Variants in KCNIP4 observed in about 807,000 individuals in gnomAD.
The protein encoded by KCNIP4 is Kv channel-interacting protein 4.
KCNIP4 carries 12 observed loss-of-function variants against 34.0 expected under a neutral mutation model. That is an observed-to-expected ratio of 0.35 (90% CI 0.23 to 0.57). KCNIP4 has a LOEUF of 0.57. Among genes scored for constraint, KCNIP4 ranks in the 20% least tolerant of loss-of-function variants. KCNIP4 has a pLI of 0.83. For missense variants in KCNIP4, 238 were observed against 311.7 expected (o/e 0.76, Z 1.78); for synonymous variants, 124 against 102.2 (o/e 1.21, Z -1.29).
At chr4:21,387,445 C>T (rs148243614) in intron 1 of KCNIP4, among the ~76,000 whole-genome samples, 7 of 152,314 alleles carry the variant, frequency 4.6e-5, no homozygotes, top group African/African-American at 1.4e-4. Context: ...CACTTGGTTA[C>T]TATTCTGAGA....
chr4:21,585,930 T>C (rs767800355), intron 1 of KCNIP4, among the ~76,000 whole-genome samples: 10 of 152,090 alleles, frequency 6.6e-5, no homozygotes, highest in Non-Finnish European at 1.3e-4. Context: ...TACTCATTGA[T>C]AAAATTAATA....
chr4:21,562,901 T>C (rs1739577021), intron 1 of KCNIP4, among the ~76,000 whole-genome samples: 2 of 151,984 alleles, frequency 1.3e-5, no homozygotes, highest in Admixed American at 1.3e-4. Flanking sequence ...CTCTCAACAC[T>C]CGCGTAAATA....
chr4:21,744,589 T>G (rs1716644855), intron 1 of KCNIP4, among the ~76,000 whole-genome samples: 1 of 152,170 alleles, frequency 6.6e-6, no homozygotes, highest in South Asian at 2.1e-4. Flanking sequence ...CCTGGGACTC[T>G]CAACCCAGCA....
chr4:20,897,877 C>T lies in KCNIP4; in HGVS notation c.62-15168G>A, dbSNP rs143732364. Among the ~76,000 whole-genome samples the T allele has an allele frequency of 9.4e-3, 1,428 of 152,150 alleles. 18 individuals carry two copies. The highest frequency in any genetic ancestry group is 0.031 in the African/African-American group (1,274 of 41,506). ...AGTCTTTGACATTTTCTTACGGCAG[C>T]CTATGATGGTGAACTTTGTATGTCA... On this transcript the variant is annotated intron_variant, in intron 1 of 8. Transcript: ENST00000382152.
intron 1 of KCNIP4, among the ~76,000 whole-genome samples, chr4:21,443,864 T>A (rs1259467585): frequency 1.3e-5 from 2 of 151,942 alleles, no homozygotes; most frequent in African/African-American, 2.4e-5. Flanking sequence ...GCCTGAGAGG[T>A]TGAAGCTGCA....
intron 1 of KCNIP4, among the ~76,000 whole-genome samples, chr4:20,992,258 CTTT>C (rs1316079690): frequency 6.6e-6 from 1 of 152,154 alleles, no homozygotes; most frequent in Non-Finnish European, 1.5e-5. Context: ...GAAGCAGGCA[CTTT>C]CTTCACAGGG....
At chr4:21,690,980 G>A (rs920984252) in intron 1 of KCNIP4, among the ~76,000 whole-genome samples, 2 of 152,118 alleles carry the variant, frequency 1.3e-5, no homozygotes, top group African/African-American at 4.8e-5. Context: ...GATAGCAAAC[G>A]ATGTGGTAGA....
chr4:20,823,878 G>A (rs1009544061), intron 3 of KCNIP4, among the ~76,000 whole-genome samples: 2 of 152,172 alleles, frequency 1.3e-5, no homozygotes, highest in African/African-American at 4.8e-5. Context: ...TTGAGTGGGA[G>A]GAGTCGGAAT....
intron 1 of KCNIP4, among the ~76,000 whole-genome samples, chr4:21,345,724 T>C (rs1206634211): frequency 6.6e-6 from 1 of 152,110 alleles, no homozygotes; most frequent in African/African-American, 2.4e-5. Context: ...GTTCCCATTT[T>C]CTTTATTATA....
intron 1 of KCNIP4, among the ~76,000 whole-genome samples, chr4:21,744,979 G>A (rs1401534142): frequency 6.6e-6 from 1 of 152,102 alleles, no homozygotes; most frequent in East Asian, 1.9e-4. Context: ...TATCTCACAA[G>A]TGAAAACAGT....
chr4:21,753,012 C>G (rs1717258258), intron 1 of KCNIP4, among the ~76,000 whole-genome samples: 1 of 151,862 alleles, frequency 6.6e-6, no homozygotes, highest in East Asian at 1.9e-4. Context: ...TCTTTTTTTC[C>G]AAGCATTGTG....
At position 21,184,440 on chromosome 4, in the gene KCNIP4, T is replaced by C. The variant is rs142460601; in HGVS notation, c.62-301731A>G. Among the ~76,000 whole-genome samples, 1,143 of 152,218 alleles carry C rather than the reference T, an allele frequency of 7.5e-3. 16 individuals carry two copies. The highest frequency in any genetic ancestry group is 0.026 in the African/African-American group (1,080 of 41,536). On this transcript the variant is annotated intron_variant, in intron 1 of 8. Coordinates refer to ENST00000382152, the MANE Select transcript of KCNIP4 (RefSeq NM_025221.6). The stretch of plus-strand genomic sequence containing the variant: ...AATAAATGTTTTATAGGAGATTGCC[T>C]AGAGGAGGAGAAGAAATTTTCAGGG...
At chr4:20,778,631 C>A (rs1196371408) in intron 3 of KCNIP4, among the ~76,000 whole-genome samples, 1 of 152,140 alleles carries the variant, frequency 6.6e-6, no homozygotes, top group African/African-American at 2.4e-5. Flanking sequence ...TATTGCATGG[C>A]AACCTATTGT....
intron 1 of KCNIP4, among the ~76,000 whole-genome samples, chr4:20,964,237 A>G (rs1734125943): frequency 6.6e-6 from 1 of 152,182 alleles, no homozygotes; most frequent in African/African-American, 2.4e-5. Flanking sequence ...AGAACACAGA[A>G]TGTGTAAATG....
intron 1 of KCNIP4, chr4:21,697,417 C>A: frequency 6.4e-7 from 1 of 1,564,848 alleles, no homozygotes; most frequent in South Asian, 1.2e-5. Context: ...CACGTTTACA[C>A]CGCTTTCTAC....
chr4:21,075,965 C>T (rs1220210632), intron 1 of KCNIP4, among the ~76,000 whole-genome samples: 1 of 152,068 alleles, frequency 6.6e-6, no homozygotes, highest in Admixed American at 6.6e-5. Flanking sequence ...GAATACTGGC[C>T]CCCACTCTCT....
At chr4:21,517,781 A>T (rs559482287) in intron 1 of KCNIP4, among the ~76,000 whole-genome samples, 1 of 152,292 alleles carries the variant, frequency 6.6e-6, no homozygotes, top group South Asian at 2.1e-4. Context: ...AGGTTAAAGA[A>T]ACAATCATGG....
rs773131443 is a variant in KCNIP4, at chr4:20,837,684, A to ATTTTTT, written c.288+12858_288+12859insAAAAAA. On this transcript the variant is annotated intron_variant, in intron 3 of 8. Coordinates refer to ENST00000382152, the MANE Select transcript of KCNIP4 (RefSeq NM_025221.6). ...GTGCTATATATATATATATATATAT[A>ATTTTTT]TATTTTTTTTTCCTTGGAGATGGAG... Among the ~76,000 whole-genome samples, 296 of 102,514 alleles carry ATTTTTT rather than the reference A, an allele frequency of 2.9e-3. 4 individuals are homozygous for ATTTTTT. Among genetic ancestry groups the ATTTTTT allele is most frequent in the African/African-American group, 0.013 (287 of 22,328 alleles). The allele number at this position is 102,514 out of a possible 152,430, so 67.3% of individuals were successfully genotyped here.
chr4:21,361,333 C>T (rs1719198164), intron 1 of KCNIP4, among the ~76,000 whole-genome samples: 1 of 152,056 alleles, frequency 6.6e-6, no homozygotes, highest in African/African-American at 2.4e-5. Context: ...ACATGCAATA[C>T]TACCTGCAAT....
Sources: allele counts gnomAD v4.1 joint callset (sites outside exome capture counted in the v4.1 genomes callset), GRCh38; gene constraint gnomAD v4.1.1; transcripts MANE v1.5; gene names NCBI Gene and HGNC (gene_info 2026-07-23, HGNC 2026-07-21).